The following CNPY1 variants were observed in gnomAD, a reference collection of about 807,000 sequenced individuals.
The protein encoded by CNPY1 is protein canopy homolog 1.
Under a neutral mutation model 14.4 loss-of-function variants are expected in CNPY1, and 14 were observed. That is an observed-to-expected ratio of 0.97 (90% CI 0.64 to 1.52). The LOEUF is 1.52. Among genes scored for constraint, CNPY1 ranks in the 40% most tolerant of loss-of-function variants. CNPY1 has a pLI of 0.00. For missense variants in CNPY1, 129 were observed against 131.5 expected (o/e 0.98, Z 0.09); for synonymous variants, 43 against 46.5 (o/e 0.92, Z 0.31).
intron 3 of CNPY1, among the ~76,000 whole-genome samples, chr7:155,507,770 A>C (rs1796378497): frequency 6.6e-6 from 1 of 152,230 alleles, no homozygotes; most frequent in Admixed American, 6.5e-5. Flanking sequence ...CCTGCATTTG[A>C]AAATCTTAAA....
chr7:155,519,095 C>A (rs1796671883), intron 2 of CNPY1, among the ~76,000 whole-genome samples: 1 of 152,172 alleles, frequency 6.6e-6, no homozygotes, highest in Non-Finnish European at 1.5e-5. Flanking sequence ...AGAGAGAGGG[C>A]AGGTCATCAG....
chr7:155,510,540 G>A (rs1282738682), intron 2 of CNPY1: 1 of 152,282 alleles, frequency 6.6e-6, no homozygotes, highest in African/African-American at 2.4e-5. Context: ...TGCTCTCAAG[G>A]CCCAGGCACT....
intron 4 of CNPY1, among the ~76,000 whole-genome samples, chr7:155,506,350 T>A (rs142912746): frequency 1.4e-3 from 217 of 152,352 alleles, no homozygotes; most frequent in African/African-American, 5.0e-3. Flanking sequence ...AAGGTCTACG[T>A]ACAGCCAACA....
chr7:155,544,608 A>T (rs1297241428), intron 2 of CNPY1, among the ~76,000 whole-genome samples: 1 of 152,192 alleles, frequency 6.6e-6, no homozygotes, highest in Non-Finnish European at 1.5e-5. Flanking sequence ...TGACAGTGGG[A>T]ATCAGCTCCC....
intron 2 of CNPY1, among the ~76,000 whole-genome samples, chr7:155,520,070 A>G (rs1409517753): frequency 6.6e-6 from 1 of 152,228 alleles, no homozygotes; most frequent in Non-Finnish European, 1.5e-5. Context: ...TGGGGTAACT[A>G]GGTCGCCGTA....
intron 2 of CNPY1, among the ~76,000 whole-genome samples, chr7:155,541,577 C>T (rs868627087): frequency 6.6e-6 from 1 of 152,342 alleles, no homozygotes; most frequent in Middle Eastern, 3.4e-3. Context: ...CTTGGCAGGT[C>T]AGCCTCAGAT....
chr7:155,526,506 G>T (rs760370243), intron 2 of CNPY1, among the ~76,000 whole-genome samples: 3 of 152,130 alleles, frequency 2.0e-5, no homozygotes, highest in Non-Finnish European at 4.4e-5. Flanking sequence ...GACAGGGAGA[G>T]TTACTATCCC....
rs1272920067 is a variant in CNPY1, at chr7:155,546,435, C to G, written c.-21G>C. On this transcript the variant is annotated 5_prime_UTR_variant, in exon 1 of 5. Transcript: ENST00000636446. ...ACTCAAGCCATCCTCCTACCTTGGC[C>G]TCCTGAATTGCTGGGATTACAAGTA... 4 of 398,238 alleles carry G rather than the reference C, an allele frequency of 1.0e-5. No individual in the cohort carries two copies. In the East Asian group the frequency reaches 1.4e-4, roughly 14 times the overall value. The allele number at this position is 398,238 out of a possible 1,614,324, so 24.7% of individuals were successfully genotyped here.
chr7:155,520,902 G>A (rs773261042), intron 2 of CNPY1, among the ~76,000 whole-genome samples: 1 of 152,076 alleles, frequency 6.6e-6, no homozygotes, highest in Non-Finnish European at 1.5e-5. Context: ...CGAGGCAGGC[G>A]GATCACTTGA....
At chr7:155,527,056 T>TTCTTTC (rs760709873) in intron 2 of CNPY1, among the ~76,000 whole-genome samples, 109 of 89,254 alleles carry the variant, frequency 1.2e-3, no homozygotes, top group African/African-American at 2.3e-3. Context: ...CTTTCTTTCT[T>TTCTTTC]TTTTTTTTTT....
At position 155,501,384 on chromosome 7, in the gene CNPY1, T is replaced by C. The variant is rs952538184; in HGVS notation, c.*1684A>G. ...TAGCATTGCCTACATTTGAGAATGTTTGATGATGATCAAAGAGAGTATGGA... is the reference window on the plus strand; with the variant it reads ...TAGCATTGCCTACATTTGAGAATGTCTGATGATGATCAAAGAGAGTATGGA... On this transcript the variant is annotated 3_prime_UTR_variant, in exon 5 of 5. Coordinates refer to ENST00000636446, the MANE Select transcript of CNPY1 (RefSeq NM_001393663.1). 3 of 152,342 alleles carry C rather than the reference T, an allele frequency of 2.0e-5. No homozygotes were observed. The highest frequency in any genetic ancestry group is 1.9e-4 in the East Asian group (1 of 5,184). 9.4% of individuals were successfully genotyped at this position (152,342 alleles called of 1,614,324 possible).
chr7:155,523,469 C>G (rs1395747503), intron 2 of CNPY1, among the ~76,000 whole-genome samples: 1 of 152,184 alleles, frequency 6.6e-6, no homozygotes, highest in Non-Finnish European at 1.5e-5. Context: ...CCACCAGGGC[C>G]GTGTGGGAGG....
chr7:155,533,233 C>T (rs1049345002), intron 2 of CNPY1, among the ~76,000 whole-genome samples: 1 of 152,162 alleles, frequency 6.6e-6, no homozygotes, highest in Non-Finnish European at 1.5e-5. Context: ...CCGACGGGAA[C>T]GGCTGGAGGG....
At chr7:155,539,102 C>T (rs558150726) in intron 2 of CNPY1, among the ~76,000 whole-genome samples, 8 of 152,304 alleles carry the variant, frequency 5.3e-5, no homozygotes, top group Non-Finnish European at 7.3e-5. Context: ...AAGCGTAGGC[C>T]GCTAAGCCAA....
At position 155,542,575 on chromosome 7, in the gene CNPY1, GGCAAAGTAT is replaced by G. The variant is rs1431237879; in HGVS notation, c.99+3247_99+3255del. Among the ~76,000 whole-genome samples, 17 of 151,874 alleles carry G rather than the reference GGCAAAGTAT, an allele frequency of 1.1e-4. No homozygotes were observed. The East Asian group carries it at 3.3e-3, about 29-fold the overall frequency. The stretch of plus-strand genomic sequence containing the variant: ...CTGTCTGAGCCACAATGCTGCTAGT[GGCAAAGTAT>G]GCAGAGTAGAAAAAAAAGCGGGGTC... On this transcript the variant is annotated intron_variant, in intron 2 of 4. Coordinates refer to ENST00000636446, the MANE Select transcript of CNPY1 (RefSeq NM_001393663.1).
chr7:155,538,881 A>T (rs1324198573), intron 2 of CNPY1, among the ~76,000 whole-genome samples: 1 of 152,130 alleles, frequency 6.6e-6, no homozygotes. Flanking sequence ...TCTGGGTCAG[A>T]GTGTGAGCTC....
At chr7:155,540,870 C>T (rs896553274) in intron 2 of CNPY1, among the ~76,000 whole-genome samples, 18 of 152,228 alleles carry the variant, frequency 1.2e-4, no homozygotes, top group Non-Finnish European at 2.4e-4. Context: ...GCCAGCCTTT[C>T]ATCACTGGGA....
At chr7:155,525,576 G>A (rs986073134) in intron 2 of CNPY1, among the ~76,000 whole-genome samples, 1 of 152,102 alleles carries the variant, frequency 6.6e-6, no homozygotes, top group Admixed American at 6.5e-5. Context: ...TTCTCCTACA[G>A]ATTTTCAAAT....
intron 4 of CNPY1, among the ~76,000 whole-genome samples, chr7:155,505,997 AC>A (rs1796294714): frequency 6.6e-6 from 1 of 152,238 alleles, no homozygotes; most frequent in Admixed American, 6.5e-5. Context: ...AACAAAAAAA[AC>A]AAAACTTTAC....
Sources: gnomAD v4.1 joint callset for allele counts (sites outside exome capture counted in the v4.1 genomes callset) on GRCh38, gnomAD v4.1.1 for gene constraint, MANE v1.5 for transcripts, NCBI Gene and HGNC (gene_info 2026-07-23, HGNC 2026-07-21) for gene names.